COX16: variants seen among roughly 807,000 people sequenced by gnomAD.
COX16 encodes cytochrome c oxidase assembly factor COX16.
COX16 carries 12 observed loss-of-function variants against 15.4 expected under a neutral mutation model. The observed-to-expected ratio is 0.78, with a 90% CI of 0.50 to 1.26. The LOEUF (loss-of-function observed/expected upper bound fraction) is 1.26, where lower values mean the gene tolerates loss of function less well. COX16 is among the 50% of genes most tolerant of loss of function. COX16 has a pLI of 0.00. For missense variants in COX16, 124 were observed against 127.6 expected, an observed-to-expected ratio of 0.97 and a Z score of 0.14; for synonymous variants, 46 against 41.1, an observed-to-expected ratio of 1.12 and a Z score of -0.46.
At chr14:70,338,655 T>C (rs573813438) in intron 2 of COX16, among the ~76,000 whole-genome samples, 44 of 152,324 alleles carry the variant, frequency 2.9e-4, no homozygotes, top group Admixed American at 1.8e-3. Flanking sequence ...GTCAGTTTCA[T>C]AGAGCAATCA....
chr14:70,357,656 A>G (rs914254157), intron 1 of COX16, among the ~76,000 whole-genome samples: 13 of 152,272 alleles, frequency 8.5e-5, no homozygotes, highest in African/African-American at 1.7e-4. Context: ...GCTCAACATA[A>G]TAAGTCGTTA....
At chr14:70,329,134 CTGAT>C (rs769821183) in intron 3 of COX16, 36 bp downstream of exon 3, 29 of 1,553,348 alleles carry the variant, frequency 1.9e-5, no homozygotes, top group African/African-American at 6.9e-5. Context: ...AAACCAGTAA[CTGAT>C]TGTTATAAGA....
intron 2 of COX16, among the ~76,000 whole-genome samples, chr14:70,336,412 G>A (rs61977511): frequency 0.066 from 10,112 of 152,194 alleles, 393 homozygotes; most frequent in Middle Eastern, 0.12. Flanking sequence ...ACAGATGGTG[G>A]TTACTTGGGT....
chr14:70,351,196 A>G (rs958595615), intron 1 of COX16, among the ~76,000 whole-genome samples: 3 of 152,086 alleles, frequency 2.0e-5, no homozygotes, highest in African/African-American at 7.2e-5. Flanking sequence ...ACTGTTTCCA[A>G]CTTATTGGTT....
intron 2 of COX16, among the ~76,000 whole-genome samples, chr14:70,339,373 T>C (rs1350857964): frequency 6.6e-6 from 1 of 152,178 alleles, no homozygotes; most frequent in Non-Finnish European, 1.5e-5. Context: ...CCCATGAACT[T>C]TGCACATCCA....
chr14:70,333,059 A>G (rs753635071), intron 2 of COX16, among the ~76,000 whole-genome samples: 2 of 152,350 alleles, frequency 1.3e-5, no homozygotes, highest in East Asian at 1.9e-4. Context: ...AGGGAAGACA[A>G]CAGTCAGTGT....
chr14:70,357,231 G>C (rs959859532), intron 1 of COX16, among the ~76,000 whole-genome samples: 8 of 149,836 alleles, frequency 5.3e-5, no homozygotes, highest in Non-Finnish European at 8.9e-5. Flanking sequence ...GTCTGATGTG[G>C]TAGATAATAG....
Position 70,325,786 on chromosome 14 carries a change from G to GTAAT in COX16, c.*543_*546dup, listed in dbSNP as rs924172462. ...TCCTTGACATGTTAATGGTATCATTGTAATTATCATGTGATGCTTTGGAGA... is the reference window on the plus strand; with the variant it reads ...TCCTTGACATGTTAATGGTATCATTGTAATTAATTATCATGTGATGCTTTGGAGA... On this transcript the variant is annotated 3_prime_UTR_variant, in exon 4 of 4. Transcript: ENST00000389912. 4 of 152,166 alleles carry GTAAT rather than the reference G, an allele frequency of 2.6e-5. No individual in the cohort carries two copies. Among genetic ancestry groups the GTAAT allele is most frequent in the African/African-American group, 9.7e-5 (4 of 41,444 alleles). The allele number at this position is 152,166 out of a possible 1,614,324, so 9.4% of individuals were successfully genotyped here. A position where few individuals can be genotyped will look rare whatever the true frequency, so the allele number is the denominator to read the frequency against.
At chr14:70,346,363 G>A (rs1322660306) in intron 1 of COX16, among the ~76,000 whole-genome samples, 3 of 152,224 alleles carry the variant, frequency 2.0e-5, no homozygotes, top group South Asian at 2.1e-4. Context: ...AGCTCCACAC[G>A]GAAGCCTCCT....
At chr14:70,333,953 ACAAAAATACTGTAACAAC>A (rs1031927689) in intron 2 of COX16, among the ~76,000 whole-genome samples, 2 of 152,186 alleles carry the variant, frequency 1.3e-5, no homozygotes, top group East Asian at 1.9e-4. Context: ...AGGAAAACAA[ACAAAAATACTGTAACAAC>A]CAAAAATACT....
At position 70,325,154 on chromosome 14, in the gene COX16, G is replaced by A. The variant is rs2140663408; in HGVS notation, c.*1179C>T. On this transcript the variant is annotated 3_prime_UTR_variant, in exon 4 of 4. Coordinates refer to ENST00000389912, the MANE Select transcript of COX16 (RefSeq NM_016468.7). ...AATTTTGACTAGGAGGAGAAAGGGG[G>A]AGTGGATTTATGATTTTATGGCAAT... is the stretch of plus-strand genomic sequence containing the variant. 6.6e-6 allele frequency: 1 copy of A among 152,290 alleles called. No individual in the cohort carries two copies. The highest frequency in any genetic ancestry group is 1.9e-4 in the East Asian group (1 of 5,182). The allele number at this position is 152,290 out of a possible 1,614,324, so 9.4% of individuals were successfully genotyped here.
At chr14:70,334,244 C>T (rs1886377004) in intron 2 of COX16, among the ~76,000 whole-genome samples, 1 of 152,074 alleles carries the variant, frequency 6.6e-6, no homozygotes, top group African/African-American at 2.4e-5. Context: ...AAATTGTGGC[C>T]AGGCGCAGTG....
chr14:70,357,699 C>G (rs1169728921), intron 1 of COX16, among the ~76,000 whole-genome samples: 1 of 152,218 alleles, frequency 6.6e-6, no homozygotes, highest in East Asian at 1.9e-4. Context: ...AATGAGGTAT[C>G]ACTTCACACC....
intron 1 of COX16, among the ~76,000 whole-genome samples, chr14:70,349,248 G>A (rs1017604646): frequency 6.6e-5 from 10 of 152,052 alleles, no homozygotes; most frequent in Non-Finnish European, 1.2e-4. Context: ...TCCGGCCACC[G>A]CCTTTTCCTA....
At chr14:70,330,462 A>T (rs181492101) in intron 2 of COX16, among the ~76,000 whole-genome samples, 104 of 152,324 alleles carry the variant, frequency 6.8e-4, no homozygotes, top group African/African-American at 2.5e-3. Flanking sequence ...TGCCAGTGTA[A>T]CAAACACTCT....
chr14:70,329,109 C>A, intron 3 of COX16, 65 bp downstream of exon 3: 3 of 1,493,680 alleles, frequency 2.0e-6, no homozygotes, highest in South Asian at 2.6e-5. Flanking sequence ...ACTACTAATA[C>A]TTTTAAGGCA....
intron 1 of COX16, among the ~76,000 whole-genome samples, chr14:70,355,296 C>T (rs1330240317): frequency 6.6e-6 from 1 of 152,158 alleles, no homozygotes; most frequent in East Asian, 1.9e-4. Flanking sequence ...CCTCTTCCCT[C>T]ATATCTGGTT....
At chr14:70,335,016 C>A (rs750666668) in intron 2 of COX16, among the ~76,000 whole-genome samples, 13 of 151,834 alleles carry the variant, frequency 8.6e-5, no homozygotes, top group Non-Finnish European at 1.5e-4. Context: ...AAAAGATATT[C>A]CATGGAAATG....
intron 1 of COX16, among the ~76,000 whole-genome samples, chr14:70,350,383 C>T (rs1322052118): frequency 2.0e-5 from 3 of 152,106 alleles, no homozygotes; most frequent in African/African-American, 7.2e-5. Flanking sequence ...GGCCTCAGCC[C>T]GCCTGCACCC....
Sources: allele counts gnomAD v4.1 joint callset (sites outside exome capture counted in the v4.1 genomes callset), GRCh38; gene constraint gnomAD v4.1.1; transcripts MANE v1.5; gene names NCBI Gene and HGNC (gene_info 2026-07-23, HGNC 2026-07-21).